SCLT1: variants seen among roughly 807,000 people sequenced by gnomAD.
SCLT1 encodes sodium channel-associated protein 1.
Under a neutral mutation model 112.8 loss-of-function variants are expected in SCLT1, and 78 were observed. That is an observed-to-expected ratio of 0.69 (90% CI 0.58 to 0.83). The LOEUF is 0.83. SCLT1 is among the 40% of genes least tolerant of loss of function. The probability of loss-of-function intolerance (pLI) is 0.00; values close to 1 mark genes in which losing one functional copy is unlikely to be tolerated. For synonymous variants in SCLT1, 257 were observed against 254.7 expected, an observed-to-expected ratio of 1.01 and a Z score of -0.09; for missense variants, 747 against 770.4, an observed-to-expected ratio of 0.97 and a Z score of 0.36.
chr4:128,966,637 G>C (rs768954057), intron 10 of SCLT1, among the ~76,000 whole-genome samples: 1 of 152,084 alleles, frequency 6.6e-6, no homozygotes, highest in Non-Finnish European at 1.5e-5. Flanking sequence ...TTGTCATTTG[G>C]TGTCATTTCC....
At chr4:128,912,005 T>C (rs1474983092) in intron 18 of SCLT1, among the ~76,000 whole-genome samples, 2 of 152,292 alleles carry the variant, frequency 1.3e-5, no homozygotes, top group South Asian at 4.1e-4. Flanking sequence ...ATCACAATAA[T>C]GCACACAGAG....
chr4:128,893,350 C>T (rs955101304), intron 18 of SCLT1, among the ~76,000 whole-genome samples: 1 of 152,152 alleles, frequency 6.6e-6, no homozygotes, highest in African/African-American at 2.4e-5. Context: ...CAAGCTCTGT[C>T]TCCCCCATTG....
chr4:128,945,930 A>G, intron 16 of SCLT1, 77 bp downstream of exon 16: 1 of 947,918 alleles, frequency 1.1e-6, no homozygotes, highest in Non-Finnish European at 1.6e-6. Flanking sequence ...ACCAAAAAAA[A>G]GAAAAGGTAG....
chr4:129,031,726 T>G (rs908035763), intron 5 of SCLT1, among the ~76,000 whole-genome samples: 8 of 151,870 alleles, frequency 5.3e-5, no homozygotes, highest in Admixed American at 4.6e-4. Flanking sequence ...ACAAAGAGAA[T>G]AAAATACGTA....
chr4:128,963,998 C>T (rs988855363), intron 11 of SCLT1, among the ~76,000 whole-genome samples: 1 of 152,132 alleles, frequency 6.6e-6, no homozygotes, highest in Non-Finnish European at 1.5e-5. Context: ...AAAATTACTT[C>T]TCAGCTTTAG....
chr4:129,024,979 C>T lies in SCLT1; in HGVS notation c.290+14062G>A, dbSNP rs1292293724. On this transcript the variant is annotated intron_variant, in intron 5 of 20. Transcript: ENST00000281142. ...GGAAGATGAAATGAATGAAATGAAG[C>T]GAGAAGGGAAGTTTAGAGAAAAAAG... 4.0e-3 allele frequency among the ~76,000 whole-genome samples: 599 copies of T among 151,456 alleles called. 1 individual carries two copies. Among genetic ancestry groups the T allele is most frequent in the African/African-American group, 0.012 (492 of 41,232 alleles).
At chr4:129,054,100 G>A (rs1049711376) in intron 2 of SCLT1, among the ~76,000 whole-genome samples, 4 of 152,132 alleles carry the variant, frequency 2.6e-5, no homozygotes, top group Non-Finnish European at 5.9e-5. Context: ...GGCTTCTAGC[G>A]TTTCTGCCAA....
chr4:128,961,267 G>A (rs1019945994), intron 11 of SCLT1, among the ~76,000 whole-genome samples: 4 of 151,514 alleles, frequency 2.6e-5, no homozygotes, highest in African/African-American at 4.8e-5. Context: ...TGATGTAAGA[G>A]AAGAGTCCAA....
At chr4:128,964,700 G>C (rs551464720) in intron 11 of SCLT1, among the ~76,000 whole-genome samples, 6 of 152,220 alleles carry the variant, frequency 3.9e-5, no homozygotes, top group Non-Finnish European at 7.4e-5. Flanking sequence ...ATTATTTGCA[G>C]AAGTACAGAA....
At chr4:129,011,224 T>C (rs1196810300) in intron 5 of SCLT1, among the ~76,000 whole-genome samples, 1 of 152,242 alleles carries the variant, frequency 6.6e-6, no homozygotes, top group South Asian at 2.1e-4. Flanking sequence ...TCACATTTAT[T>C]GATTTGCATA....
intron 9 of SCLT1, among the ~76,000 whole-genome samples, chr4:128,978,361 C>A (rs1034341279): frequency 7.3e-5 from 11 of 151,700 alleles, no homozygotes; most frequent in Admixed American, 3.3e-4. Flanking sequence ...AACTGAGTCA[C>A]ATGGTTAGAA....
At chr4:128,937,277 C>T (rs1490985974) in intron 17 of SCLT1, among the ~76,000 whole-genome samples, 1 of 113,342 alleles carries the variant, frequency 8.8e-6, no homozygotes, top group South Asian at 2.8e-4. Flanking sequence ...GACTCTGTCT[C>T]AAAAAAAAAA....
Position 129,085,030 on chromosome 4 carries a change from T to G in SCLT1, c.35-2657A>C, listed in dbSNP as rs78404426. On this transcript the variant is annotated intron_variant, in intron 1 of 20. Coordinates refer to ENST00000281142, the MANE Select transcript of SCLT1 (RefSeq NM_144643.4). ...GCAAAAATTACAAATGGAAACTAAT[T>G]AAAATAAGGAGCTTTGGCACAGCAA... 1.1e-4 allele frequency among the ~76,000 whole-genome samples: 16 copies of G among 152,082 alleles called. No individual in the cohort carries two copies. The East Asian group carries it at 3.1e-3, about 29-fold the overall frequency.
At chr4:129,026,176 A>G (rs1363218041) in intron 5 of SCLT1, among the ~76,000 whole-genome samples, 1 of 152,154 alleles carries the variant, frequency 6.6e-6, no homozygotes, top group Admixed American at 6.5e-5. Flanking sequence ...CCAGGAATTG[A>G]ACTCAGCTCT....
intron 2 of SCLT1, among the ~76,000 whole-genome samples, chr4:129,075,804 T>C (rs1579942778): frequency 6.6e-6 from 1 of 152,120 alleles, no homozygotes; most frequent in South Asian, 2.1e-4. Context: ...ATCTGTTGAG[T>C]CTTGTATTTG....
chr4:129,058,288 C>T lies in SCLT1; in HGVS notation c.103-14237G>A, dbSNP rs1045392117. 3.3e-5 allele frequency among the ~76,000 whole-genome samples: 5 copies of T among 151,958 alleles called. No homozygotes were observed. In the South Asian group the frequency reaches 1.0e-3, roughly 32 times the overall value. ...TTTTTTGTGTTTGATTTGTTCTTGC[C>T]TTTCTAGTTCCTTCAGATGTTTCAT... On this transcript the variant is annotated intron_variant, in intron 2 of 20. Coordinates refer to ENST00000281142, the MANE Select transcript of SCLT1 (RefSeq NM_144643.4).
intron 18 of SCLT1, among the ~76,000 whole-genome samples, chr4:128,913,485 T>C (rs1735249523): frequency 4.0e-5 from 6 of 151,876 alleles, no homozygotes; most frequent in Admixed American, 1.3e-4. Flanking sequence ...CCAAAGAGAG[T>C]AGAATATATA....
intron 1 of SCLT1, among the ~76,000 whole-genome samples, chr4:129,086,938 G>A (rs1194162739): frequency 2.0e-5 from 3 of 152,096 alleles, no homozygotes; most frequent in Non-Finnish European, 4.4e-5. Context: ...TGACACACAT[G>A]AAAAAGCAAG....
chr4:128,927,602 A>G (rs1416280381), intron 18 of SCLT1, among the ~76,000 whole-genome samples: 1 of 151,998 alleles, frequency 6.6e-6, no homozygotes, highest in Non-Finnish European at 1.5e-5. Context: ...AATAATTTGA[A>G]CTAAATAATA....
Sources: allele counts gnomAD v4.1 joint callset (sites outside exome capture counted in the v4.1 genomes callset), GRCh38; gene constraint gnomAD v4.1.1; transcripts MANE v1.5; gene names NCBI Gene and HGNC (gene_info 2026-07-23, HGNC 2026-07-21).